OIT3: variants seen among roughly 807,000 people sequenced by gnomAD.
OIT3 encodes the protein oncoprotein-induced transcript 3 protein.
Under a neutral mutation model 52.2 loss-of-function variants are expected in OIT3, and 41 were observed. The ratio of observed to expected loss-of-function variants is 0.79; its 90% CI spans 0.61 to 1.02. The LOEUF is 1.02. OIT3 is among the 50% of genes least tolerant of loss of function. OIT3 has a pLI of 0.00. For synonymous variants in OIT3, 244 were observed against 276.9 expected, an observed-to-expected ratio of 0.88 and a Z score of 1.18; for missense variants, 634 against 715.5, an observed-to-expected ratio of 0.89 and a Z score of 1.30.
At chr10:72,908,792 A>G (rs1401735429) in intron 4 of OIT3, among the ~76,000 whole-genome samples, 2 of 152,140 alleles carry the variant, frequency 1.3e-5, no homozygotes, top group Admixed American at 1.3e-4. Flanking sequence ...TTAGCAGAAG[A>G]TGAAAATTAA....
intron 3 of OIT3, among the ~76,000 whole-genome samples, chr10:72,905,844 C>T (rs1845974659): frequency 2.6e-5 from 4 of 152,184 alleles, no homozygotes; most frequent in Admixed American, 2.6e-4. Flanking sequence ...GGGTTTCAGT[C>T]ACAGCTTATC....
Position 72,898,716 on chromosome 10 carries a change from T to C in OIT3, c.114T>C (p.Thr38=). 1 of 1,613,818 alleles carries C rather than the reference T, an allele frequency of 6.2e-7. No individual in the cohort carries two copies. The highest frequency in any genetic ancestry group is 8.5e-7 in the Non-Finnish European group (1 of 1,179,712). The change falls in exon 2 of 9, where the codon ACT becomes ACC. Residue 38 remains threonine (T), a synonymous_variant. Transcript: ENST00000334011. ...YISLNEPWRN[T]DHQLDESQGP... is the part of the protein sequence containing the mutation. ...GCCTGAATGAGCCCTGGAGGAACAC[T>C]GACCACCAGTTGGATGAGTCTCAAG...
rs1441629806 is a variant in OIT3 at position 72,917,740 on chromosome 10, G to A, written c.951+4272G>A. The stretch of plus-strand genomic sequence containing the variant: ...ATGAACTTGGCTGCCACTTTGGGAA[G>A]AGAATCACCTTTTTCTGTACTTGCT... On this transcript the variant is annotated intron_variant, in intron 6 of 8. Coordinates refer to ENST00000334011, the MANE Select transcript of OIT3 (RefSeq NM_152635.3). The A allele has an allele frequency of 4.2e-6, 5 of 1,179,072 alleles. No individual in the cohort carries two copies. In the South Asian group the frequency reaches 4.9e-5, roughly 11 times the overall value. 73.0% of individuals were successfully genotyped at this position (1,179,072 alleles called of 1,614,324 possible). A position where few individuals can be genotyped will look rare whatever the true frequency, so the allele number is the denominator to read the frequency against.
intron 1 of OIT3, among the ~76,000 whole-genome samples, chr10:72,895,497 G>A (rs1328428383): frequency 6.6e-6 from 1 of 152,218 alleles, no homozygotes; most frequent in Non-Finnish European, 1.5e-5. Context: ...GACAGGGGAA[G>A]TGAGAGAAGA....
chr10:72,904,785 G>GT (rs111567932), intron 3 of OIT3, among the ~76,000 whole-genome samples: 12 of 152,166 alleles, frequency 7.9e-5, no homozygotes, highest in Admixed American at 3.9e-4. Flanking sequence ...TTCTGTTGTA[G>GT]TTTTTTCTGT....
At chr10:72,925,115 CAAA>C (rs751143274) in intron 7 of OIT3, among the ~76,000 whole-genome samples, 8 of 37,976 alleles carry the variant, frequency 2.1e-4, no homozygotes, top group Non-Finnish European at 4.6e-4. Flanking sequence ...CCTAAAATCT[CAAA>C]AAAAAAAAAA....
At chr10:72,916,587 G>T (rs1007025970) in intron 6 of OIT3, among the ~76,000 whole-genome samples, 2 of 152,162 alleles carry the variant, frequency 1.3e-5, no homozygotes, top group Non-Finnish European at 2.9e-5. Flanking sequence ...ATGGCATTTA[G>T]GTTGATTCCA....
intron 3 of OIT3, among the ~76,000 whole-genome samples, chr10:72,905,183 A>G (rs891678869): frequency 9.2e-5 from 14 of 152,222 alleles, no homozygotes; most frequent in African/African-American, 2.9e-4. Context: ...TCAAATCTCA[A>G]TATGAGGCCA....
intron 4 of OIT3, among the ~76,000 whole-genome samples, chr10:72,907,559 C>A (rs1478696962): frequency 1.3e-5 from 2 of 152,158 alleles, no homozygotes; most frequent in Non-Finnish European, 2.9e-5. Context: ...CCCTCCCAGA[C>A]CCTCTCCTGG....
At position 72,924,593 on chromosome 10, in the gene OIT3, C is replaced by G. The variant is rs554643826; in HGVS notation, c.1316C>G (p.Thr439Ser). Residue 439 changes from threonine to serine, a missense_variant, in exon 7 of 9, where the codon ACC becomes AGC. Coordinates refer to ENST00000334011, the MANE Select transcript of OIT3 (RefSeq NM_152635.3). ...LESLVESCFATPTSKIDEVLK... is the reference protein window; with the variant it reads ...LESLVESCFASPTSKIDEVLK... ...AGCTTGGTGGAGAGCTGCTTTGCCACCCCCACCTCCAAGATCGACGAGGTC... is the reference window on the plus strand; with the variant it reads ...AGCTTGGTGGAGAGCTGCTTTGCCAGCCCCACCTCCAAGATCGACGAGGTC... 1.7e-5 allele frequency: 27 copies of G among 1,613,888 alleles called. No individual in the cohort carries two copies. In the East Asian group the frequency reaches 4.7e-4, roughly 28 times the overall value.
At chr10:72,897,020 ATTTG>A (rs558923465) in intron 1 of OIT3, among the ~76,000 whole-genome samples, 138 of 151,972 alleles carry the variant, frequency 9.1e-4, no homozygotes, top group South Asian at 3.8e-3. Flanking sequence ...CTATTTATTT[ATTTG>A]TTTGTTTGTT....
chr10:72,929,835 G>A (rs994206091), intron 7 of OIT3, among the ~76,000 whole-genome samples: 1 of 152,122 alleles, frequency 6.6e-6, no homozygotes, highest in Non-Finnish European at 1.5e-5. Flanking sequence ...GAGCCACCTC[G>A]CCCAGCCAGG....
chr10:72,921,486 T>C (rs1429115673), intron 6 of OIT3, among the ~76,000 whole-genome samples: 7 of 152,222 alleles, frequency 4.6e-5, no homozygotes, highest in African/African-American at 1.7e-4. Flanking sequence ...GTTTTTGTAG[T>C]GGCTGGTAGT....
chr10:72,916,370 A>G (rs537718845), intron 6 of OIT3, among the ~76,000 whole-genome samples: 1 of 151,882 alleles, frequency 6.6e-6, no homozygotes, highest in African/African-American at 2.4e-5. Flanking sequence ...GTTCCACACT[A>G]TGTGTCAGTG....
intron 6 of OIT3, among the ~76,000 whole-genome samples, chr10:72,916,490 C>T (rs1846074131): frequency 6.6e-6 from 1 of 152,188 alleles, no homozygotes; most frequent in Admixed American, 6.5e-5. Context: ...CCACTCCCTG[C>T]AAAGGACATG....
intron 4 of OIT3, among the ~76,000 whole-genome samples, chr10:72,907,629 A>G (rs549114472): frequency 6.6e-6 from 1 of 152,286 alleles, no homozygotes; most frequent in Non-Finnish European, 1.5e-5. Context: ...AACAAGTTCC[A>G]CGGGTGATTT....
chr10:72,919,643 C>A (rs892242299), intron 6 of OIT3, among the ~76,000 whole-genome samples: 2 of 151,946 alleles, frequency 1.3e-5, no homozygotes, highest in Admixed American at 1.3e-4. Context: ...GTTTATTGAG[C>A]GTTTTTAACA....
intron 6 of OIT3, among the ~76,000 whole-genome samples, chr10:72,914,146 A>C (rs1273469867): frequency 6.6e-6 from 1 of 152,160 alleles, no homozygotes; most frequent in Non-Finnish European, 1.5e-5. Context: ...GATAGGAAAC[A>C]AGTGAGCTAG....
intron 5 of OIT3, 133 bp downstream of exon 5, chr10:72,911,972 T>C (rs1256620409): frequency 5.5e-5 from 37 of 677,482 alleles, no homozygotes; most frequent in Non-Finnish European, 8.5e-5. Flanking sequence ...GCAGTGTGTA[T>C]TGCTGAATCA....
Sources: allele counts gnomAD v4.1 joint callset (sites outside exome capture counted in the v4.1 genomes callset), GRCh38; gene constraint gnomAD v4.1.1; transcripts MANE v1.5; gene names NCBI Gene and HGNC (gene_info 2026-07-23, HGNC 2026-07-21).